Variants in PLEKHG1 observed in about 807,000 individuals in gnomAD.
PLEKHG1 encodes pleckstrin homology and RhoGEF domain containing G1, also known as pleckstrin homology domain-containing family G member 1.
In PLEKHG1, 44 loss-of-function variants were observed where a neutral mutation model predicts 100.8. The observed-to-expected ratio is 0.44, with a 90% CI of 0.34 to 0.56. The LOEUF is 0.56. PLEKHG1 is among the 20% of genes least tolerant of loss of function. The pLI is 0.01. For missense variants in PLEKHG1, 1,545 were observed against 1,720.9 expected, an observed-to-expected ratio of 0.90 and a Z score of 1.81; for synonymous variants, 640 against 662.5, an observed-to-expected ratio of 0.97 and a Z score of 0.52.
intron 15 of PLEKHG1, 108 bp from the exon 17 acceptor site, chr6:150,839,725 C>T (rs867612654): frequency 2.8e-6 from 2 of 702,426 alleles, no homozygotes; most frequent in African/African-American, 1.8e-5. Flanking sequence ...GTCTTGTCTA[C>T]TGTCAAAATT....
chr6:150,626,686 C>T (rs912516558), intron 1 of PLEKHG1, among the ~76,000 whole-genome samples: 2 of 152,120 alleles, frequency 1.3e-5, no homozygotes, highest in Non-Finnish European at 2.9e-5. Context: ...CGTGTAAATT[C>T]CATTTCAGAA....
rs146534610 is a variant in PLEKHG1, at chr6:150,732,969, T to A, written c.-98-615T>A. 6.7e-3 allele frequency among the ~76,000 whole-genome samples: 1,015 copies of A among 152,362 alleles called. 15 individuals are homozygous for A. Among genetic ancestry groups the A allele is most frequent in the African/African-American group, 0.023 (950 of 41,586 alleles). ...TGCCTAGTATTAGAAAATTATTGTC[T>A]ATGTGACACTTTCTTTAATGCTGTA... On this transcript the variant is annotated intron_variant, in intron 1 of 15. Coordinates refer to ENST00000358517, the Ensembl canonical transcript of PLEKHG1.
At chr6:150,668,847 C>T (rs975696355) in intron 3 of PLEKHG1, among the ~76,000 whole-genome samples, 2 of 152,164 alleles carry the variant, frequency 1.3e-5, no homozygotes, top group African/African-American at 4.8e-5. Context: ...CTCTAGTCCC[C>T]CTGCTTTGTA....
chr6:150,674,632 C>CCTCTCTCT (rs756355880), intron 3 of PLEKHG1, among the ~76,000 whole-genome samples: 779 of 66,146 alleles, frequency 0.012, 35 homozygotes, highest in African/African-American at 0.024. Flanking sequence ...CTCTCTCCTC[C>CCTCTCTCT]CTCTCTCTCT....
chr6:150,791,676 G>GAAAA (rs34212457), intron 4 of PLEKHG1, among the ~76,000 whole-genome samples: 1 of 103,792 alleles, frequency 9.6e-6, no homozygotes. Context: ...TCTCAAAAAA[G>GAAAA]AAAAAAAAAA....
chr6:150,773,713 T>A (rs1255993904), intron 3 of PLEKHG1, among the ~76,000 whole-genome samples: 2 of 152,220 alleles, frequency 1.3e-5, no homozygotes, highest in African/African-American at 2.4e-5. Flanking sequence ...ATTTTTTTTT[T>A]AATTTGTCAT....
At chr6:150,796,216 C>G (rs533847850) in intron 5 of PLEKHG1, among the ~76,000 whole-genome samples, 1 of 152,298 alleles carries the variant, frequency 6.6e-6, no homozygotes, top group Admixed American at 6.5e-5. Context: ...GCCTGCTCAC[C>G]CTTTTCTGTG....
rs1776319933 is a variant in PLEKHG1, at chr6:150,600,780, G to A, written c.-204+763G>A. The A allele has an allele frequency of 6.6e-6, 1 of 152,286 alleles. No individual in the cohort carries two copies. The highest frequency in any genetic ancestry group is 6.5e-5 in the Admixed American group (1 of 15,294). 9.4% of individuals were successfully genotyped at this position (152,286 alleles called of 1,614,324 possible). ...CCCCGTTCCGAAGCCGGAAGCTTGGGAACGCTCTAACTGGGAGAACGGCGC... is the reference window on the plus strand; with the variant it reads ...CCCCGTTCCGAAGCCGGAAGCTTGGAAACGCTCTAACTGGGAGAACGGCGC... On this transcript the variant is annotated intron_variant, in intron 1 of 3. Coordinates refer to the PLEKHG1 transcript ENST00000367326. This position sits in a 1 kb window ranked among gnomAD's most constrained non-coding sequence, Gnocchi z 6.2.
chr6:150,738,733 T>C (rs1202611771), intron 2 of PLEKHG1, among the ~76,000 whole-genome samples: 1 of 152,156 alleles, frequency 6.6e-6, no homozygotes, highest in Non-Finnish European at 1.5e-5. Context: ...TCTTCCGTCC[T>C]CTGCTCCTAG....
chr6:150,725,376 A>T (rs1171021232), intron 1 of PLEKHG1, among the ~76,000 whole-genome samples: 1 of 152,238 alleles, frequency 6.6e-6, no homozygotes, highest in African/African-American at 2.4e-5. Context: ...ATAGCAATTA[A>T]TATAGGAATC....
chr6:150,658,639 A>G (rs1779062893), intron 3 of PLEKHG1, among the ~76,000 whole-genome samples: 1 of 152,122 alleles, frequency 6.6e-6, no homozygotes, highest in East Asian at 1.9e-4. Flanking sequence ...GTGATCACAT[A>G]TTCTTAAAGC....
chr6:150,812,830 C>T (rs1787610036), intron 10 of PLEKHG1, among the ~76,000 whole-genome samples: 1 of 151,892 alleles, frequency 6.6e-6, no homozygotes, highest in Admixed American at 6.6e-5. Context: ...AGGGGCTCAT[C>T]TTGGAAAGGG....
chr6:150,819,826 A>C (rs1776196589), intron 12 of PLEKHG1, 52 bp downstream of exon 13: 2 of 1,002,544 alleles, frequency 2.0e-6, no homozygotes, highest in African/African-American at 1.6e-5. Context: ...ACTGGCAATG[A>C]AAGTCCCTTT....
intron 2 of PLEKHG1, among the ~76,000 whole-genome samples, chr6:150,754,893 C>A (rs1409897260): frequency 6.6e-6 from 1 of 152,146 alleles, no homozygotes; most frequent in Non-Finnish European, 1.5e-5. Flanking sequence ...TAGTCTCAAA[C>A]TCCCGACCTC....
exon 16 of PLEKHG1, chr6:150,840,478 A>C: frequency 6.2e-7 from 1 of 1,614,212 alleles, no homozygotes; most frequent in African/African-American, 1.3e-5. Flanking sequence ...GACTCACAGA[A>C]AGTTGTGGTG....
chr6:150,780,178 C>T (rs1785231478), intron 3 of PLEKHG1, among the ~76,000 whole-genome samples: 1 of 149,230 alleles, frequency 6.7e-6, no homozygotes, highest in Non-Finnish European at 1.5e-5. Flanking sequence ...CTCTGTTGCC[C>T]AGGCTGGAGT....
At chr6:150,611,526 TG>T (rs1403186258) in intron 1 of PLEKHG1, among the ~76,000 whole-genome samples, 7 of 152,142 alleles carry the variant, frequency 4.6e-5, no homozygotes, top group African/African-American at 1.7e-4. Flanking sequence ...AGAAAATAAA[TG>T]GTGGCCGGGC....
At chr6:150,694,697 CAA>C (rs558767058) in intron 3 of PLEKHG1, among the ~76,000 whole-genome samples, 5 of 115,074 alleles carry the variant, frequency 4.3e-5, no homozygotes, top group Admixed American at 8.8e-5. Flanking sequence ...GACTCTGTCT[CAA>C]AAAAAAAAAA....
chr6:150,613,478 C>T (rs1776936350), intron 1 of PLEKHG1, among the ~76,000 whole-genome samples: 3 of 152,236 alleles, frequency 2.0e-5, no homozygotes, highest in Admixed American at 2.0e-4. Context: ...ATAAACATCA[C>T]TTTGGCAATT....
Sources: gnomAD v4.1 joint callset for allele counts (sites outside exome capture counted in the v4.1 genomes callset) on GRCh38, gnomAD v4.1.1 for gene constraint, Gnocchi (gnomAD v3.1) non-coding constraint, MANE v1.5 for transcripts, NCBI Gene and HGNC (gene_info 2026-07-23, HGNC 2026-07-21) for gene names.